The following TMEM108 variants were observed in gnomAD, a reference collection of about 807,000 sequenced individuals.
TMEM108 encodes cancer/testis antigen 124.
In TMEM108, 12 loss-of-function variants were observed where a neutral mutation model predicts 35.1. That is an observed-to-expected ratio of 0.34 (90% CI 0.22 to 0.55). TMEM108 has a LOEUF of 0.55. TMEM108 is among the 20% of genes least tolerant of loss of function. The pLI, the probability that TMEM108 is intolerant of heterozygous loss-of-function variation, is 0.89. For synonymous variants in TMEM108, 287 were observed against 308.6 expected, an observed-to-expected ratio of 0.93 and a Z score of 0.73; for missense variants, 680 against 753.3, an observed-to-expected ratio of 0.90 and a Z score of 1.14.
intron 2 of TMEM108, among the ~76,000 whole-genome samples, chr3:133,172,050 T>C (rs1945137916): frequency 6.6e-6 from 1 of 152,248 alleles, no homozygotes; most frequent in Admixed American, 6.5e-5. Context: ...ATAATGATTA[T>C]AATGATAACC....
chr3:133,054,631 G>C (rs184276265), intron 2 of TMEM108, among the ~76,000 whole-genome samples: 1 of 152,192 alleles, frequency 6.6e-6, no homozygotes, highest in African/African-American at 2.4e-5. Context: ...TGAACTTGGA[G>C]CATTAGTTTC....
At chr3:133,089,701 G>A (rs1180564946) in intron 2 of TMEM108, among the ~76,000 whole-genome samples, 1 of 152,194 alleles carries the variant, frequency 6.6e-6, no homozygotes. Flanking sequence ...AGGCTGCATG[G>A]TTCAGAGGTG....
At chr3:133,092,966 C>A (rs1176103459) in intron 2 of TMEM108, among the ~76,000 whole-genome samples, 2 of 151,586 alleles carry the variant, frequency 1.3e-5, no homozygotes, top group Non-Finnish European at 2.9e-5. Context: ...AACACAAATC[C>A]CATATTTTAT....
chr3:133,259,541 G>A (rs1052942003), intron 3 of TMEM108, among the ~76,000 whole-genome samples: 1 of 152,188 alleles, frequency 6.6e-6, no homozygotes, highest in Non-Finnish European at 1.5e-5. Context: ...AATACTCAGG[G>A]TTAAATTGGC....
intron 2 of TMEM108, among the ~76,000 whole-genome samples, chr3:133,059,341 A>T (rs937860685): frequency 6.6e-6 from 1 of 152,232 alleles, no homozygotes; most frequent in Non-Finnish European, 1.5e-5. Context: ...TATATTTAGT[A>T]ACTACTTGCC....
At chr3:133,059,674 A>C (rs1256212206) in intron 2 of TMEM108, among the ~76,000 whole-genome samples, 1 of 152,242 alleles carries the variant, frequency 6.6e-6, no homozygotes, top group Non-Finnish European at 1.5e-5. Flanking sequence ...TTAGGCTCAT[A>C]ATTGGGAAGT....
At chr3:133,128,391 G>C (rs2107741110) in intron 2 of TMEM108, among the ~76,000 whole-genome samples, 1 of 152,240 alleles carries the variant, frequency 6.6e-6, no homozygotes, top group South Asian at 2.1e-4. Flanking sequence ...ATAAATATTT[G>C]ACCTGTCGAA....
chr3:133,095,380 TTGGCACCAGGAAC>T (rs1320140717), intron 2 of TMEM108, among the ~76,000 whole-genome samples: 1 of 152,200 alleles, frequency 6.6e-6, no homozygotes, highest in African/African-American at 2.4e-5. Flanking sequence ...CCCAGCCTTT[TTGGCACCAGGAAC>T]TGGTTTCATG....
At chr3:133,313,785 C>T (rs140087893) in intron 3 of TMEM108, among the ~76,000 whole-genome samples, 478 of 152,140 alleles carry the variant, frequency 3.1e-3, no homozygotes, top group Non-Finnish European at 5.4e-3. Flanking sequence ...TAGACCAGCA[C>T]GTTTAGATTT....
chr3:133,265,832 T>A (rs1196816980), intron 3 of TMEM108, among the ~76,000 whole-genome samples: 1 of 152,218 alleles, frequency 6.6e-6, no homozygotes, highest in Non-Finnish European at 1.5e-5. Context: ...AATTTAACAT[T>A]ATGCTTTTGA....
chr3:133,149,404 TATACA>T (rs1576345942), intron 2 of TMEM108, among the ~76,000 whole-genome samples: 1 of 152,344 alleles, frequency 6.6e-6, no homozygotes, highest in East Asian at 1.9e-4. Flanking sequence ...AAATTTTAAG[TATACA>T]ATACATTATA....
intron 2 of TMEM108, among the ~76,000 whole-genome samples, chr3:133,184,623 A>G (rs967498439): frequency 2.0e-5 from 3 of 151,870 alleles, no homozygotes; most frequent in South Asian, 2.1e-4. Context: ...CATACAGACA[A>G]CTCCCTTCAG....
At chr3:133,213,055 A>T (rs1440756569) in intron 2 of TMEM108, among the ~76,000 whole-genome samples, 1 of 152,108 alleles carries the variant, frequency 6.6e-6, no homozygotes, top group African/African-American at 2.4e-5. Flanking sequence ...TTCATTTGTG[A>T]CTTATGCTAT....
At chr3:133,295,295 G>A (rs1947128536) in intron 3 of TMEM108, among the ~76,000 whole-genome samples, 3 of 152,160 alleles carry the variant, frequency 2.0e-5, no homozygotes, top group Non-Finnish European at 4.4e-5. Context: ...AGCTTTTCTG[G>A]AGGGAGGGAT....
intron 2 of TMEM108, among the ~76,000 whole-genome samples, chr3:133,107,496 GTA>G (rs1225086995): frequency 1.4e-5 from 2 of 139,968 alleles, no homozygotes. Context: ...GTGTGTGTGT[GTA>G]TAAAATGATT....
chr3:133,098,029 A>G (rs114323811), intron 2 of TMEM108, among the ~76,000 whole-genome samples: 68 of 152,344 alleles, frequency 4.5e-4, no homozygotes, highest in African/African-American at 1.5e-3. Flanking sequence ...ATACTCACCA[A>G]TAGGATACAT....
intron 3 of TMEM108, among the ~76,000 whole-genome samples, chr3:133,250,336 C>T (rs1267339060): frequency 1.3e-5 from 2 of 152,196 alleles, no homozygotes; most frequent in Non-Finnish European, 2.9e-5. Flanking sequence ...ATATGATCAT[C>T]TACTTCCACT....
chr3:133,325,922 T>C (rs762848713), intron 3 of TMEM108, among the ~76,000 whole-genome samples: 1 of 151,996 alleles, frequency 6.6e-6, no homozygotes, highest in Non-Finnish European at 1.5e-5. Flanking sequence ...TAGAGGTACA[T>C]GCTAACATAT....
chr3:133,221,660 C>CTTTTTTTTTTTTTTTTTTTTTT (rs3078806), intron 2 of TMEM108, among the ~76,000 whole-genome samples: 2 of 60,356 alleles, frequency 3.3e-5, no homozygotes, highest in African/African-American at 6.2e-5. Context: ...ACATTGATTC[C>CTTTTTTTTTTTTTTTTTTTTTT]TTTTTTTTTT....
Sources: allele counts gnomAD v4.1 joint callset (sites outside exome capture counted in the v4.1 genomes callset), GRCh38; gene constraint gnomAD v4.1.1; transcripts MANE v1.5; gene names NCBI Gene and HGNC (gene_info 2026-07-23, HGNC 2026-07-21).